GPD1L: variants seen among roughly 807,000 people sequenced by gnomAD.
The protein encoded by GPD1L is glycerol-3-phosphate dehydrogenase 1 like, also known as glycerol-3-phosphate dehydrogenase 1-like protein.
Under a neutral mutation model 32.9 loss-of-function variants are expected in GPD1L, and 17 were observed. The ratio of observed to expected loss-of-function variants is 0.52; its 90% confidence interval spans 0.35 to 0.78. GPD1L has a LOEUF of 0.78. Among genes scored for constraint, GPD1L ranks in the 30% least tolerant of loss-of-function variants. The pLI is 0.01. For synonymous variants in GPD1L, 187 were observed against 165.9 expected (o/e 1.13, Z -0.98); for missense variants, 361 against 447.8 (o/e 0.81, Z 1.75).
intron 1 of GPD1L, among the ~76,000 whole-genome samples, chr3:32,125,222 A>G (rs927131948): frequency 1.3e-5 from 2 of 152,102 alleles, no homozygotes; most frequent in African/African-American, 4.8e-5. Flanking sequence ...TTGGCCAACA[A>G]TTCACTTGGA....
At position 32,159,656 on chromosome 3, in the gene GPD1L, A is replaced by G; in HGVS notation, c.941A>G (p.Gln314Arg). ...TSAEVYRILK[Q>R]KGLLDKFPLF... ...GCTGAAGTGTACCGCATCCTCAAAC[A>G]GAAGGGACTACTGGACAAGTAAGTC... Residue 314 changes from glutamine (Q) to arginine (R), a missense_variant, in exon 7 of 8, where the codon CAG becomes CGG. Gln to Arg is a conservative substitution (Grantham distance 43). Coordinates refer to ENST00000282541, the MANE Select transcript of GPD1L (RefSeq NM_015141.4). 1 of 1,606,256 alleles carries G rather than the reference A, an allele frequency of 6.2e-7. No individual in the cohort carries two copies. The highest frequency in any genetic ancestry group is 8.5e-7 in the Non-Finnish European group (1 of 1,173,134).
chr3:32,120,427 T>C (rs56104799), intron 1 of GPD1L, among the ~76,000 whole-genome samples: 19,540 of 152,166 alleles, frequency 0.13, 1,682 homozygotes, highest in East Asian at 0.26. Context: ...GGAAATTTAA[T>C]AGGATTTCAG....
At chr3:32,121,924 C>T (rs998623227) in intron 1 of GPD1L, among the ~76,000 whole-genome samples, 1 of 151,750 alleles carries the variant, frequency 6.6e-6, no homozygotes, top group Non-Finnish European at 1.5e-5. Flanking sequence ...GCACGCGCCA[C>T]CACGCCCGGC....
chr3:32,118,625 C>G (rs1700363997), intron 1 of GPD1L, among the ~76,000 whole-genome samples: 1 of 152,090 alleles, frequency 6.6e-6, no homozygotes, highest in South Asian at 2.1e-4. Context: ...ACCACCTTAA[C>G]CATTTTTAAG....
chr3:32,128,494 T>A (rs1191492225), intron 2 of GPD1L, among the ~76,000 whole-genome samples: 2 of 152,158 alleles, frequency 1.3e-5, no homozygotes, highest in Admixed American at 6.5e-5. Context: ...TCTTTTATAA[T>A]TCTAGAGGTT....
At chr3:32,164,866 C>T (rs891460640) in intron 7 of GPD1L, among the ~76,000 whole-genome samples, 1 of 151,814 alleles carries the variant, frequency 6.6e-6, no homozygotes, top group East Asian at 1.9e-4. Flanking sequence ...CCTTTCAAGA[C>T]TCTATTGATT....
At chr3:32,119,356 A>T (rs1373707633) in intron 1 of GPD1L, among the ~76,000 whole-genome samples, 1 of 152,226 alleles carries the variant, frequency 6.6e-6, no homozygotes, top group Admixed American at 6.5e-5. Context: ...ACTTGCAATC[A>T]TATGGTATGT....
In GPD1L at chr3:32,168,690, T is replaced by G. The variant is rs1701182381; in HGVS notation, c.*2780T>G. On this transcript the variant is annotated 3_prime_UTR_variant, in exon 8 of 8. Coordinates refer to ENST00000282541, the MANE Select transcript of GPD1L (RefSeq NM_015141.4). Reference sequence around the variant, plus strand: ...TATATAATTTAAAAGCTTGATTTAATAAACATTTAACCCCCTAAACTTGCA... The same window carrying G: ...TATATAATTTAAAAGCTTGATTTAAGAAACATTTAACCCCCTAAACTTGCA... 3 of 152,686 alleles carry G rather than the reference T, an allele frequency of 2.0e-5. No individual in the cohort carries two copies. The highest frequency in any genetic ancestry group is 6.5e-5 in the Admixed American group (1 of 15,288). 9.5% of individuals were successfully genotyped at this position (152,686 alleles called of 1,614,324 possible).
chr3:32,140,911 C>G (rs1700733325), intron 4 of GPD1L, among the ~76,000 whole-genome samples: 1 of 152,188 alleles, frequency 6.6e-6, no homozygotes, highest in African/African-American at 2.4e-5. Context: ...GCCTTTTCTA[C>G]TCTTACACAT....
intron 5 of GPD1L, among the ~76,000 whole-genome samples, chr3:32,156,636 A>G (rs78798662): frequency 0.1 from 15,425 of 152,108 alleles, 848 homozygotes; most frequent in South Asian, 0.12. Context: ...CATGTGAAGT[A>G]TCTTTGCGCC....
chr3:32,125,761 C>T (rs1700497673), intron 1 of GPD1L, among the ~76,000 whole-genome samples: 1 of 150,740 alleles, frequency 6.6e-6, no homozygotes, highest in Non-Finnish European at 1.5e-5. Flanking sequence ...CATTGCCTTT[C>T]CCCTGCTGTA....
rs1228957233 is a variant in GPD1L at position 32,148,380 on chromosome 3, G to A, written c.618+1646G>A. ...TTTTGCTGGCAGGAAGACTGTAAGT[G>A]GATGTGCCAGCTACCTTGATGGAAA... On this transcript the variant is annotated intron_variant, in intron 5 of 7. Coordinates refer to ENST00000282541, the MANE Select transcript of GPD1L (RefSeq NM_015141.4). Among the ~76,000 whole-genome samples the A allele has an allele frequency of 3.3e-5, 5 of 152,270 alleles. No individual in the cohort carries two copies. The South Asian group carries it at 1.0e-3, about 32-fold the overall frequency.
intron 5 of GPD1L, among the ~76,000 whole-genome samples, chr3:32,146,988 T>C (rs1700839923): frequency 1.3e-5 from 2 of 152,218 alleles, no homozygotes; most frequent in Non-Finnish European, 1.5e-5. Context: ...GTTGGCAGCA[T>C]TGATATTTGG....
intron 1 of GPD1L, among the ~76,000 whole-genome samples, chr3:32,123,994 T>A (rs1700467529): frequency 6.6e-6 from 1 of 152,182 alleles, no homozygotes; most frequent in Non-Finnish European, 1.5e-5. Flanking sequence ...TACTTTTATT[T>A]TAAGCTCAGC....
intron 1 of GPD1L, among the ~76,000 whole-genome samples, chr3:32,119,561 A>C (rs1324661266): frequency 6.6e-6 from 1 of 152,196 alleles, no homozygotes; most frequent in Non-Finnish European, 1.5e-5. Flanking sequence ...ATCAAATAAC[A>C]TTCGCCAAGT....
intron 1 of GPD1L, among the ~76,000 whole-genome samples, chr3:32,118,696 T>C (rs901907174): frequency 4.6e-5 from 7 of 152,182 alleles, no homozygotes; most frequent in Admixed American, 1.3e-4. Flanking sequence ...ATGAAAATAT[T>C]GAAAAGAATT....
chr3:32,158,858 T>C lies in GPD1L; in HGVS notation c.619-18T>C. 6.2e-7 allele frequency: 1 copy of C among 1,612,676 alleles called. No homozygotes were observed. ...TGGGTGCTGTAACGGCATCTGGGCT[T>C]TGTCATCTCCTTTGCAGAACATCGT... On this transcript the variant is annotated intron_variant, in intron 5 of 7. Transcript: ENST00000282541.
At chr3:32,149,207 A>C (rs1328517177) in intron 5 of GPD1L, among the ~76,000 whole-genome samples, 1 of 152,108 alleles carries the variant, frequency 6.6e-6, no homozygotes, top group Non-Finnish European at 1.5e-5. Flanking sequence ...CTACAGGCAC[A>C]TGCTGCCATG....
chr3:32,128,037 G>A (rs1160366729), intron 1 of GPD1L, 39 bp from the exon 2 acceptor site: 3 of 1,425,140 alleles, frequency 2.1e-6, no homozygotes, highest in South Asian at 1.2e-5. Context: ...TCCCGCCCAA[G>A]TGAGTTTATG....
Sources: gnomAD v4.1 joint callset for allele counts (sites outside exome capture counted in the v4.1 genomes callset) on GRCh38, gnomAD v4.1.1 for gene constraint, MANE v1.5 for transcripts, NCBI Gene and HGNC (gene_info 2026-07-23, HGNC 2026-07-21) for gene names.